Variants in TBC1D8 observed in about 807,000 individuals in gnomAD.
TBC1D8 encodes BUB2-like protein 1.
In TBC1D8, 65 loss-of-function variants were observed where a neutral mutation model predicts 118.8. That is an observed-to-expected ratio of 0.55 (90% CI 0.45 to 0.67). TBC1D8 has a LOEUF of 0.67. Ranked by LOEUF, TBC1D8 falls within the 30% of genes least tolerant of loss-of-function variation. TBC1D8 has a pLI of 0.00. For synonymous variants in TBC1D8, 566 were observed against 595.8 expected (o/e 0.95, Z 0.73); for missense variants, 1,376 against 1,471.2 (o/e 0.94, Z 1.06).
intron 1 of TBC1D8, among the ~76,000 whole-genome samples, chr2:101,149,356 G>A (rs1350803169): frequency 6.6e-6 from 1 of 152,160 alleles, no homozygotes; most frequent in Non-Finnish European, 1.5e-5. Context: ...AAGCGGGCTT[G>A]AAGCCAGGCA....
At chr2:101,074,829 T>C (rs1389299869) in intron 2 of TBC1D8, among the ~76,000 whole-genome samples, 1 of 152,180 alleles carries the variant, frequency 6.6e-6, no homozygotes, top group Non-Finnish European at 1.5e-5. Context: ...TTATTTTTCT[T>C]TATCATCACA....
intron 11 of TBC1D8, among the ~76,000 whole-genome samples, chr2:101,031,301 G>A (rs537948969): frequency 3.9e-5 from 6 of 152,302 alleles, no homozygotes; most frequent in Admixed American, 3.9e-4. Context: ...TCAGGAAAGG[G>A]TACACCTGGG....
intron 4 of TBC1D8, 99 bp from the exon 5 acceptor site, chr2:101,050,740 G>T: frequency 6.9e-7 from 1 of 1,442,700 alleles, no homozygotes; most frequent in Non-Finnish European, 9.4e-7. Context: ...TTAGGCCGAT[G>T]TGTAAATGCC....
At chr2:101,137,560 C>T (rs1429642641) in intron 1 of TBC1D8, among the ~76,000 whole-genome samples, 1 of 152,220 alleles carries the variant, frequency 6.6e-6, no homozygotes, top group East Asian at 1.9e-4. Context: ...GATCCGCCCA[C>T]CTTGGCCTCC....
intron 1 of TBC1D8, among the ~76,000 whole-genome samples, chr2:101,097,355 G>T (rs567554155): frequency 6.6e-6 from 1 of 152,098 alleles, no homozygotes; most frequent in South Asian, 2.1e-4. Flanking sequence ...GTCAGCAACC[G>T]AAATTTATAT....
chr2:101,050,748 G>T, intron 4 of TBC1D8, 107 bp from the exon 5 acceptor site: 1 of 1,400,458 alleles, frequency 7.1e-7, no homozygotes, highest in Non-Finnish European at 9.6e-7. Context: ...ATGTGTAAAT[G>T]CCTTTTTAAA....
intron 1 of TBC1D8, among the ~76,000 whole-genome samples, chr2:101,098,993 G>A (rs1223050688): frequency 2.0e-5 from 3 of 148,038 alleles, no homozygotes; most frequent in Non-Finnish European, 4.5e-5. Context: ...GCTAGCAGAA[G>A]ACAAGAAATA....
At chr2:101,121,560 G>A (rs1000667927) in intron 1 of TBC1D8, among the ~76,000 whole-genome samples, 4 of 152,336 alleles carry the variant, frequency 2.6e-5, no homozygotes, top group South Asian at 2.1e-4. Context: ...TGAAAGGAGC[G>A]AGAGAGCTCT....
intron 1 of TBC1D8, among the ~76,000 whole-genome samples, chr2:101,099,670 A>T (rs1676699315): frequency 6.6e-6 from 1 of 152,232 alleles, no homozygotes; most frequent in Non-Finnish European, 1.5e-5. Flanking sequence ...ACCATGATCA[A>T]GTCAGGTTCA....
At chr2:101,069,556 G>A (rs1009748384) in intron 2 of TBC1D8, among the ~76,000 whole-genome samples, 3 of 152,098 alleles carry the variant, frequency 2.0e-5, no homozygotes, top group Admixed American at 6.5e-5. Context: ...ATTGCACTCC[G>A]GCCTGGGCAA....
At chr2:101,137,479 A>T (rs1455958166) in intron 1 of TBC1D8, among the ~76,000 whole-genome samples, 5 of 151,056 alleles carry the variant, frequency 3.3e-5, no homozygotes, top group South Asian at 2.1e-4. Context: ...CACCCGGCAA[A>T]TTTTTTGTAT....
intron 19 of TBC1D8, among the ~76,000 whole-genome samples, chr2:101,009,399 C>G (rs1225851406): frequency 3.8e-5 from 5 of 131,894 alleles, no homozygotes; most frequent in Admixed American, 3.2e-4. Flanking sequence ...GAGTGAGACT[C>G]TGTCTCCAAA....
chr2:101,077,274 C>T (rs1558680230), intron 2 of TBC1D8, among the ~76,000 whole-genome samples: 1 of 128,134 alleles, frequency 7.8e-6, no homozygotes, highest in Admixed American at 8.3e-5. Flanking sequence ...CGACCCACCT[C>T]GGCCTCCCAA....
chr2:101,027,866 A>G lies in TBC1D8; in HGVS notation c.2451+182T>C, dbSNP rs576211620. 3.3e-5 allele frequency among the ~76,000 whole-genome samples: 5 copies of G among 152,260 alleles called. No homozygotes were observed. In the South Asian group the frequency reaches 1.0e-3, roughly 32 times the overall value. Reference sequence around the variant, plus strand: ...GAAACAGGCTCACAGTGTTGAGTACACTCACCACCTGGCTCCAAAGCTCAC... The same window carrying G: ...GAAACAGGCTCACAGTGTTGAGTACGCTCACCACCTGGCTCCAAAGCTCAC... On this transcript the variant is annotated intron_variant, in intron 14 of 19. Transcript: ENST00000409318.
At chr2:101,138,716 G>C (rs1678969643) in intron 1 of TBC1D8, among the ~76,000 whole-genome samples, 1 of 152,150 alleles carries the variant, frequency 6.6e-6, no homozygotes, top group Non-Finnish European at 1.5e-5. Context: ...TGGCACTTCT[G>C]TGCCCTCTCT....
At chr2:101,101,471 T>C (rs940672207) in intron 1 of TBC1D8, among the ~76,000 whole-genome samples, 3 of 152,150 alleles carry the variant, frequency 2.0e-5, no homozygotes, top group Non-Finnish European at 2.9e-5. Flanking sequence ...ACTTCAACCA[T>C]TGTGGAAGAC....
At chr2:101,052,453 T>A (rs554140451) in intron 4 of TBC1D8, among the ~76,000 whole-genome samples, 5 of 151,248 alleles carry the variant, frequency 3.3e-5, no homozygotes, top group Admixed American at 2.0e-4. Flanking sequence ...TCACCACATA[T>A]TAGGAATCAT....
intron 1 of TBC1D8, among the ~76,000 whole-genome samples, chr2:101,113,751 G>A (rs1677705537): frequency 6.6e-6 from 1 of 152,172 alleles, no homozygotes; most frequent in Admixed American, 6.5e-5. Context: ...AAATCAATAT[G>A]AGAGGCAAAG....
At chr2:101,094,521 A>T (rs1447601478) in intron 1 of TBC1D8, among the ~76,000 whole-genome samples, 1 of 152,232 alleles carries the variant, frequency 6.6e-6, no homozygotes, top group East Asian at 1.9e-4. Context: ...TGTAGAACTC[A>T]TATCTAGTTT....
Sources: allele counts gnomAD v4.1 joint callset (sites outside exome capture counted in the v4.1 genomes callset), GRCh38; gene constraint gnomAD v4.1.1; transcripts MANE v1.5; gene names NCBI Gene and HGNC (gene_info 2026-07-23, HGNC 2026-07-21).